NAA80: variants seen among roughly 807,000 people sequenced by gnomAD.
NAA80 encodes N-alpha-acetyltransferase 80.
In NAA80, 5 loss-of-function variants were observed where a neutral mutation model predicts 8.7. The ratio of observed to expected loss-of-function variants is 0.58; its 90% CI spans 0.30 to 1.21. NAA80 has a LOEUF of 1.21. Ranked by LOEUF, NAA80 falls within the 50% of genes most tolerant of loss-of-function variation. The pLI, the probability that NAA80 is intolerant of heterozygous loss-of-function variation, is 0.07. For synonymous variants in NAA80, 149 were observed against 156.6 expected, an observed-to-expected ratio of 0.95 and a Z score of 0.36; for missense variants, 360 against 368.6, an observed-to-expected ratio of 0.98 and a Z score of 0.19.
rs1165788790 is a variant in NAA80 at position 50,296,728 on chromosome 3, G to A, written c.736C>T (p.Pro246Ser). The A allele has an allele frequency of 4.3e-6, 7 of 1,612,502 alleles. No homozygotes were observed. Among genetic ancestry groups the A allele is most frequent in the Non-Finnish European group, 5.9e-6 (7 of 1,179,224 alleles). The stretch of plus-strand genomic sequence containing the variant: ...GAGATGGTCAGGCACTCAGGTAGGG[G>A]AGGGGGTGGTGGCAATGGAGGTCCC... ...PKGPPLPPPPPLPECLTISPP... is the reference protein window; with the variant it reads ...PKGPPLPPPPSLPECLTISPP... The change falls in exon 2 of 2, where the codon CCC becomes TCC. Residue 246 changes from proline to serine, a missense_variant. By Grantham distance (74) the Pro-to-Ser change is moderately conservative. Transcript: ENST00000443094.
rs781999866 is a variant in NAA80, at chr3:50,297,356, A to G, written c.108T>C (p.Pro36=). ...GATCCAGGGTAAGCTCAGTTGGACC[A>G]GGATTGAAGGTCATCTCTGGTTGGC... The part of the protein sequence containing the change: ...STCQPEMTFN[P]GPTELTLDPE... Residue 36 remains proline, a synonymous_variant, in exon 2 of 2, where the codon CCT becomes CCC. Coordinates refer to ENST00000443094, the MANE Select transcript of NAA80 (RefSeq NM_001200016.2). This position sits in a 1 kb window ranked among gnomAD's most constrained non-coding sequence, Gnocchi z 4.3. 8 of 1,612,358 alleles carry G rather than the reference A, an allele frequency of 5.0e-6. No individual in the cohort carries two copies. The highest frequency in any genetic ancestry group is 6.8e-6 in the Non-Finnish European group (8 of 1,179,076).
At position 50,296,636 on chromosome 3, in the gene NAA80, C is replaced by A. The variant is rs201689655; in HGVS notation, c.828G>T (p.Gly276=). Residue 276 remains glycine, a synonymous_variant, in exon 2 of 2, where the codon GGG becomes GGT. Transcript: ENST00000443094. ...CTTTTTCCATCCAGAATATGGGGCG[C>A]CCCCTCACATTTTGATATTGTGTCT... ...LLETQYQNVR[G]RPIFWMEKDI is the part of the protein sequence containing the mutation. 199 of 1,613,940 alleles carry A rather than the reference C, an allele frequency of 1.2e-4. No homozygotes were observed. Among genetic ancestry groups the A allele is most frequent in the Non-Finnish European group, 1.1e-4 (129 of 1,180,008 alleles).
chr3:50,296,746 G>A lies in NAA80; in HGVS notation c.718C>T (p.Pro240Ser), dbSNP rs782709893. 3.1e-6 allele frequency: 5 copies of A among 1,609,620 alleles called. No homozygotes were observed. In the African/African-American group the frequency reaches 4.0e-5, roughly 13 times the overall value. The change falls in exon 2 of 2, where the codon CCA (proline) becomes TCA (serine). Residue 240 changes from proline to serine, a missense_variant. By Grantham distance (74) the Pro-to-Ser change is moderately conservative. Transcript: ENST00000443094. ...GGTAGGGGAGGGGGTGGTGGCAATG[G>A]AGGTCCCTTGGGACCCCTTGGGGCA... ...QAAPRGPKGPPLPPPPPLPEC... is the reference protein window; with the variant it reads ...QAAPRGPKGPSLPPPPPLPEC...
Position 50,296,970 on chromosome 3 carries a change from C to A in NAA80, c.494G>T (p.Arg165Leu). 6.3e-7 allele frequency: 1 copy of A among 1,591,330 alleles called. No individual in the cohort carries two copies. The change falls in exon 2 of 2, where the codon CGG becomes CTG. Residue 165 changes from arginine to leucine, a missense_variant. Transcript: ENST00000443094. The stretch of plus-strand genomic sequence containing the variant: ...ATGCAGCTTGCGGAAGCCCCGGGCC[C>A]GAGCAAAGACCTCCAGGCCCTCCAT... ...RLMEGLEVFA[R>L]ARGFRKLHLT...
chr3:50,298,496 G>C (rs587667883), intron 1 of NAA80, among the ~76,000 whole-genome samples: 3 of 151,250 alleles, frequency 2.0e-5, no homozygotes, highest in African/African-American at 7.3e-5. Context: ...CTTGAGTTTC[G>C]CAGGCACCCT....
Position 50,297,258 on chromosome 3 carries a change from G to T in NAA80, c.206C>A (p.Pro69His), listed in dbSNP as rs1258733951. Residue 69 changes from proline (P) to histidine (H), a missense_variant, in exon 2 of 2, where the codon CCC becomes CAC. Transcript: ENST00000443094. This position sits in a 1 kb window ranked among gnomAD's most constrained non-coding sequence, Gnocchi z 4.3. ...GTCAGCACAAGCATCCAGGAGCTCG[G>T]GTCGGCGGTGCACAGGCTCCAGGGT... ...ELTLEPVHRR[P>H]ELLDACADLI... The T allele has an allele frequency of 5.0e-6, 8 of 1,610,082 alleles. No homozygotes were observed. The South Asian group carries it at 8.8e-5, about 18-fold the overall frequency.
Position 50,296,773 on chromosome 3 carries a change from C to G in NAA80, c.691G>C (p.Ala231Pro), listed in dbSNP as rs372053533. 10 of 1,596,440 alleles carry G rather than the reference C, an allele frequency of 6.3e-6. No individual in the cohort carries two copies. In the African/African-American group the frequency reaches 1.3e-4, roughly 21 times the overall value. ...GGTCCCTTGGGACCCCTTGGGGCAG[C>G]TTGGGCAGTCAGGTTTGGGGCCTTC... ...PRKAPNLTAQ[A>P]APRGPKGPPL... The change falls in exon 2 of 2, where the codon GCT becomes CCT. Residue 231 changes from alanine (A) to proline (P), a missense_variant. Coordinates refer to ENST00000443094, the MANE Select transcript of NAA80 (RefSeq NM_001200016.2).
In NAA80 at chr3:50,297,005, G is replaced by A; in HGVS notation, c.459C>T (p.Gly153=). ...CCTCCAGGCCCTCCATGAGGCGGCGGCCAAAGCCACGGCCCCTCAGGGCCC... is the reference window on the plus strand; with the variant it reads ...CCTCCAGGCCCTCCATGAGGCGGCGACCAAAGCCACGGCCCCTCAGGGCCC... ...VARALRGRGF[G]RRLMEGLEVF... Residue 153 remains glycine (G), a synonymous_variant, in exon 2 of 2, where the codon GGC becomes GGT. Coordinates refer to ENST00000443094, the MANE Select transcript of NAA80 (RefSeq NM_001200016.2). The surrounding 1 kb of genome is among the most constrained non-coding windows in gnomAD (Gnocchi z 4.3). 2 of 1,555,102 alleles carry A rather than the reference G, an allele frequency of 1.3e-6. No homozygotes were observed. Among genetic ancestry groups the A allele is most frequent in the Middle Eastern group, 1.7e-4 (1 of 5,752 alleles).
Position 50,297,613 on chromosome 3 carries a change from G to A in NAA80, c.-150C>T, listed in dbSNP as rs1422235219. ...GTTGCAGGTGGCTCAGTGCCAGGCT[G>A]GAGGTTAAGACCCCAGTCTCCAGGC... is the stretch of plus-strand genomic sequence containing the variant. On this transcript the variant is annotated 5_prime_UTR_variant, in exon 2 of 2. It introduces an in-frame stop codon into an upstream open reading frame of the 5' UTR. Coordinates refer to ENST00000443094, the MANE Select transcript of NAA80 (RefSeq NM_001200016.2). The surrounding 1 kb of genome is among the most constrained non-coding windows in gnomAD (Gnocchi z 4.3). 5.4e-6 allele frequency: 8 copies of A among 1,479,342 alleles called. No individual in the cohort carries two copies. The East Asian group carries it at 1.4e-4, about 26-fold the overall frequency. The allele number at this position is 1,479,342 out of a possible 1,614,324, so 91.6% of individuals were successfully genotyped here.
At position 50,297,422 on chromosome 3, in the gene NAA80, CAG is replaced by C. The variant is rs782376458; in HGVS notation, c.40_41del (p.Leu14GlyfsTer26). Reference protein sequence around the residue: ...ILSTSPAELTLDPACQPKLPL... With the variant: ...ILSTSPAELTXDPACQPKLPL... ...GCAGCTTTGGCTGGCACGCAGGATCCAGAGTCAGCTCAGCTGGGCTGGTACTC... is the reference window on the plus strand; with the variant it reads ...GCAGCTTTGGCTGGCACGCAGGATCCAGTCAGCTCAGCTGGGCTGGTACTC... On this transcript the variant is annotated frameshift_variant, in exon 2 of 2. Transcript: ENST00000443094. LOFTEE classifies it high-confidence loss of function. The surrounding 1 kb of genome is among the most constrained non-coding windows in gnomAD (Gnocchi z 4.3). 6.2e-7 allele frequency: 1 copy of C among 1,612,982 alleles called. No homozygotes were observed. Among genetic ancestry groups the C allele is most frequent in the African/African-American group, 1.3e-5 (1 of 75,028 alleles).
Position 50,297,839 on chromosome 3 carries a change from C to G in NAA80, c.-209-167G>C, listed in dbSNP as rs1376982313. 2.7e-6 allele frequency: 3 copies of G among 1,093,218 alleles called. No homozygotes were observed. The African/African-American group carries it at 4.9e-5, about 18-fold the overall frequency. 67.7% of individuals were successfully genotyped at this position (1,093,218 alleles called of 1,614,324 possible). A position where few individuals can be genotyped will look rare whatever the true frequency, so the allele number is the denominator to read the frequency against. ...CACAGGTGACCTGGAAGAGACCCATCCCCTATAGAGCAGGGCAGATAGATC... is the reference window on the plus strand; with the variant it reads ...CACAGGTGACCTGGAAGAGACCCATGCCCTATAGAGCAGGGCAGATAGATC... On this transcript the variant is annotated intron_variant, in intron 1 of 1. Coordinates refer to ENST00000443094, the MANE Select transcript of NAA80 (RefSeq NM_001200016.2). This position sits in a 1 kb window ranked among gnomAD's most constrained non-coding sequence, Gnocchi z 4.3.
Position 50,297,889 on chromosome 3 carries a change from G to A in NAA80, c.-209-217C>T. 3 of 1,007,970 alleles carry A rather than the reference G, an allele frequency of 3.0e-6. No homozygotes were observed. The highest frequency in any genetic ancestry group is 3.5e-6 in the Non-Finnish European group (3 of 845,576). 62.4% of individuals were successfully genotyped at this position (1,007,970 alleles called of 1,614,324 possible). On this transcript the variant is annotated intron_variant, in intron 1 of 1. Coordinates refer to ENST00000443094, the MANE Select transcript of NAA80 (RefSeq NM_001200016.2). The surrounding 1 kb of genome is among the most constrained non-coding windows in gnomAD (Gnocchi z 4.3). Reference sequence around the variant, plus strand: ...CCAGGTGTCTACCCCACATTGGAGGGAGGCTGGGAGTGATGGATGAGCTGC... The same window carrying A: ...CCAGGTGTCTACCCCACATTGGAGGAAGGCTGGGAGTGATGGATGAGCTGC...
intron 1 of NAA80, chr3:50,298,076 G>C: frequency 2.0e-6 from 2 of 985,490 alleles, no homozygotes; most frequent in Non-Finnish European, 2.4e-6. Context: ...AGTCCTCCTA[G>C]TCCACCACTA....
At position 50,296,682 on chromosome 3, in the gene NAA80, G is replaced by C. The variant is rs371233677; in HGVS notation, c.782C>G (p.Pro261Arg). Residue 261 changes from proline to arginine, a missense_variant, in exon 2 of 2, where the codon CCC (proline) becomes CGC (arginine). Transcript: ENST00000443094. ...TGTCTCCAGCAGGCTTTTTGAAGGG[G>C]GCCCTGATGGAACTGGGGGTGAGAT... The part of the protein sequence containing the change: ...LTISPPVPSG[P>R]PSKSLLETQY... 1.2e-6 allele frequency: 2 copies of C among 1,613,840 alleles called. No individual in the cohort carries two copies. The highest frequency in any genetic ancestry group is 1.7e-6 in the Non-Finnish European group (2 of 1,179,832).
chr3:50,297,405 G>T lies in NAA80; in HGVS notation c.59C>A (p.Pro20Gln), dbSNP rs1701897432. The T allele has an allele frequency of 6.2e-7, 1 of 1,613,322 alleles. No homozygotes were observed. ...AELTLDPACQ[P>Q]KLPLDSTCQP... ...GCATGTGGAATCCAGGGGCAGCTTT[G>T]GCTGGCACGCAGGATCCAGAGTCAG... Residue 20 changes from proline to glutamine, a missense_variant, in exon 2 of 2, where the codon CCA becomes CAA. Transcript: ENST00000443094. The surrounding 1 kb of genome is among the most constrained non-coding windows in gnomAD (Gnocchi z 4.3).
intron 1 of NAA80, chr3:50,299,006 T>C: frequency 6.8e-7 from 1 of 1,476,076 alleles, no homozygotes; most frequent in East Asian, 2.5e-5. Flanking sequence ...CGGGCCTCGG[T>C]TTCCCCCTCC....
At position 50,296,474 on chromosome 3, in the gene NAA80, C is replaced by T. The variant is rs782626712; in HGVS notation, c.*129G>A. Reference sequence around the variant, plus strand: ...GCCACCTCCTGGCCCCACTGGTACCCAGGAAACATGCCCAGGTTAAAGCTG... The same window carrying T: ...GCCACCTCCTGGCCCCACTGGTACCTAGGAAACATGCCCAGGTTAAAGCTG... On this transcript the variant is annotated 3_prime_UTR_variant, in exon 2 of 2. Transcript: ENST00000443094. 2.2e-5 allele frequency: 25 copies of T among 1,135,582 alleles called. No homozygotes were observed. Among genetic ancestry groups the T allele is most frequent in the Non-Finnish European group, 3.1e-5 (25 of 806,812 alleles). 70.3% of individuals were successfully genotyped at this position (1,135,582 alleles called of 1,614,324 possible). A position where few individuals can be genotyped will look rare whatever the true frequency, so the allele number is the denominator to read the frequency against.
Position 50,297,667 on chromosome 3 carries a change from C to T in NAA80, c.-204G>A. On this transcript the variant is annotated 5_prime_UTR_variant, in exon 2 of 2. Transcript: ENST00000443094. This position sits in a 1 kb window ranked among gnomAD's most constrained non-coding sequence, Gnocchi z 4.3. ...AGCATCTCTTCAGACCACAGTGGCT[C>T]TCCTCCTGTAGATAACAGCCATGCT... 1 of 1,401,756 alleles carries T rather than the reference C, an allele frequency of 7.1e-7. No individual in the cohort carries two copies. Among genetic ancestry groups the T allele is most frequent in the South Asian group, 1.6e-5 (1 of 61,322 alleles). The allele number at this position is 1,401,756 out of a possible 1,614,324, so 86.8% of individuals were successfully genotyped here.
chr3:50,297,122 A>T lies in NAA80; in HGVS notation c.342T>A (p.Leu114=). The part of the protein sequence containing the change: ...CLMLLSPHPT[L]EAAPVVVGHA... Reference sequence around the variant, plus strand: ...GGCCCACCACAACGGGTGCTGCTTCAAGTGTGGGGTGGGGGCTTAGCAGCA... The same window carrying T: ...GGCCCACCACAACGGGTGCTGCTTCTAGTGTGGGGTGGGGGCTTAGCAGCA... The change falls in exon 2 of 2, where the codon CTT becomes CTA. Residue 114 remains leucine (L), a synonymous_variant. Transcript: ENST00000443094. The surrounding 1 kb of genome is among the most constrained non-coding windows in gnomAD (Gnocchi z 4.3). 1 of 1,564,146 alleles carries T rather than the reference A, an allele frequency of 6.4e-7. No homozygotes were observed. The highest frequency in any genetic ancestry group is 1.4e-5 in the African/African-American group (1 of 73,590).
Sources: gnomAD v4.1 joint callset for allele counts (sites outside exome capture counted in the v4.1 genomes callset) on GRCh38, gnomAD v4.1.1 for gene constraint, Gnocchi (gnomAD v3.1) non-coding constraint, MANE v1.5 for transcripts, NCBI Gene and HGNC (gene_info 2026-07-23, HGNC 2026-07-21) for gene names.